The following MYT1L variants were observed in gnomAD, a reference collection of about 807,000 sequenced individuals.
MYT1L encodes the protein myelin transcription factor 1 like, also known as myelin transcription factor 1-like protein.
A neutral mutation model predicts 126.7 loss-of-function variants in MYT1L; 12 were observed. The observed-to-expected ratio is 0.09, with a 90% confidence interval of 0.06 to 0.15. The LOEUF is 0.15. Ranked by LOEUF, MYT1L falls within the 10% of genes least tolerant of loss-of-function variation. The probability of loss-of-function intolerance (pLI) is 1.00; values close to 1 mark genes in which losing one functional copy is unlikely to be tolerated. For synonymous variants in MYT1L, 541 were observed against 604.2 expected (o/e 0.90, Z 1.53); for missense variants, 979 against 1,585.2 (o/e 0.62, Z 6.49).
At chr2:2,076,851 C>CCTTT (rs2075285161) in intron 3 of MYT1L, among the ~76,000 whole-genome samples, 1 of 151,964 alleles carries the variant, frequency 6.6e-6, no homozygotes, top group African/African-American at 2.4e-5. Flanking sequence ...TGAAAATGTC[C>CCTTT]CTGAAAGGGC....
At chr2:2,064,614 A>G (rs2070983093) in intron 3 of MYT1L, among the ~76,000 whole-genome samples, 1 of 152,202 alleles carries the variant, frequency 6.6e-6, no homozygotes, top group African/African-American at 2.4e-5. Context: ...CAGTGCAATA[A>G]TCTATACAAT....
intron 2 of MYT1L, among the ~76,000 whole-genome samples, chr2:2,205,650 C>T (rs923339022): frequency 6.6e-6 from 1 of 152,132 alleles, no homozygotes; most frequent in African/African-American, 2.4e-5. Context: ...TGTCAAGAGC[C>T]ATTTTTCTGG....
intron 3 of MYT1L, among the ~76,000 whole-genome samples, chr2:2,122,819 C>A (rs1217970598): frequency 6.9e-6 from 1 of 145,944 alleles, no homozygotes; most frequent in Non-Finnish European, 1.5e-5. Flanking sequence ...AATTGTGGAA[C>A]TGGGAGGGAG....
intron 8 of MYT1L, among the ~76,000 whole-genome samples, chr2:1,949,692 G>T (rs115864779): frequency 6.6e-6 from 1 of 152,172 alleles, no homozygotes. Flanking sequence ...ACTTGGCAGC[G>T]TGTGCTCTGC....
rs535527857 is a variant in MYT1L at position 1,797,323 on chromosome 2, A to T, written c.3276+4373T>A. ...TCTGCAAGCTCCACCTCCTGGGTTC[A>T]CGCCATTCTCCTGCCTCAGCCTCCC... On this transcript the variant is annotated intron_variant, in intron 23 of 24. Coordinates refer to ENST00000647738, the MANE Select transcript of MYT1L (RefSeq NM_001303052.2). Among the ~76,000 whole-genome samples the T allele has an allele frequency of 5.9e-5, 9 of 152,216 alleles. No individual in the cohort carries two copies. The East Asian group carries it at 9.7e-4, about 16-fold the overall frequency.
At chr2:1,958,967 G>A (rs2058738707) in intron 8 of MYT1L, among the ~76,000 whole-genome samples, 1 of 152,174 alleles carries the variant, frequency 6.6e-6, no homozygotes, top group South Asian at 2.1e-4. Flanking sequence ...GCTTCCTCTT[G>A]GATTTCATTT....
At position 2,165,701 on chromosome 2, in the gene MYT1L, T is replaced by C. The variant is rs79763486; in HGVS notation, c.-304+7171A>G. Among the ~76,000 whole-genome samples, 771 of 152,266 alleles carry C rather than the reference T, an allele frequency of 5.1e-3. 10 individuals are homozygous for C. The highest frequency in any genetic ancestry group is 0.018 in the African/African-American group (746 of 41,554). ...TTGCTGCTGTTTTCTCACGTTGTCA[T>C]CTCATAGCTGTTTCTTGAATGTTGT... On this transcript the variant is annotated intron_variant, in intron 3 of 24. Transcript: ENST00000647738.
At chr2:2,139,870 ATG>A (rs2148148513) in intron 3 of MYT1L, among the ~76,000 whole-genome samples, 1 of 152,196 alleles carries the variant, frequency 6.6e-6, no homozygotes, top group Non-Finnish European at 1.5e-5. Context: ...AAAAATAAAA[ATG>A]TGTTTTCATT....
chr2:2,026,841 G>A lies in MYT1L; in HGVS notation c.-158+27137C>T, dbSNP rs1034547827. On this transcript the variant is annotated intron_variant, in intron 4 of 24. Coordinates refer to ENST00000647738, the MANE Select transcript of MYT1L (RefSeq NM_001303052.2). ...CGGGGCCCCTCAACACCAGGAGGGC[G>A]GGTCTTGAGAAAACCTGCCCCTCTC... 3.9e-5 allele frequency among the ~76,000 whole-genome samples: 6 copies of A among 152,168 alleles called. No homozygotes were observed. In the East Asian group the frequency reaches 5.8e-4, roughly 15 times the overall value.
rs1428250220 is a variant in MYT1L, at chr2:1,852,735, TAGTG to T, written c.2712-1036_2712-1033del. ...CAAAAATGACAAGGAGAAAGCAACT[TAGTG>T]AGCAATATTACACCTAGTAGGAAGC... On this transcript the variant is annotated intron_variant, in intron 18 of 24. Coordinates refer to ENST00000647738, the MANE Select transcript of MYT1L (RefSeq NM_001303052.2). This position sits in a 1 kb window ranked among gnomAD's most constrained non-coding sequence, Gnocchi z 4.0. 6.6e-6 allele frequency among the ~76,000 whole-genome samples: 1 copy of T among 152,168 alleles called. No homozygotes were observed. Among genetic ancestry groups the T allele is most frequent in the East Asian group, 1.9e-4 (1 of 5,196 alleles).
intron 21 of MYT1L, among the ~76,000 whole-genome samples, chr2:1,838,508 C>G (rs2041204016): frequency 6.6e-6 from 1 of 152,184 alleles, no homozygotes; most frequent in South Asian, 2.1e-4. Flanking sequence ...GTATCTTCCC[C>G]TCCACCTCCT....
chr2:2,243,965 T>G (rs960143764), intron 2 of MYT1L, among the ~76,000 whole-genome samples: 2 of 152,174 alleles, frequency 1.3e-5, no homozygotes, highest in Non-Finnish European at 2.9e-5. Flanking sequence ...CAGCGCACAC[T>G]GACAGGAAAG....
At chr2:2,292,294 C>A (rs1012073779) in intron 1 of MYT1L, among the ~76,000 whole-genome samples, 7 of 152,184 alleles carry the variant, frequency 4.6e-5, no homozygotes, top group African/African-American at 1.4e-4. Flanking sequence ...CTCAGGCCAG[C>A]CTGCGGCCTC....
At chr2:2,004,210 T>TGCTCTTTCCTGCAGGC (rs2062804175) in intron 4 of MYT1L, among the ~76,000 whole-genome samples, 2 of 48,434 alleles carry the variant, frequency 4.1e-5, no homozygotes, top group African/African-American at 8.7e-5. Flanking sequence ...TTCCTGAATG[T>TGCTCTTTCCTGCAGGC]GTTCTTTCCT....
intron 4 of MYT1L, among the ~76,000 whole-genome samples, chr2:2,001,907 T>TG (rs957364283): frequency 2.0e-5 from 3 of 152,082 alleles, no homozygotes; most frequent in East Asian, 1.9e-4. Flanking sequence ...TGCTCAGAGG[T>TG]GGGGGGGTCA....
At chr2:2,179,349 T>C (rs1022762322) in intron 2 of MYT1L, among the ~76,000 whole-genome samples, 1 of 152,172 alleles carries the variant, frequency 6.6e-6, no homozygotes, top group African/African-American at 2.4e-5. Context: ...TAGGCTCAGA[T>C]ACTGAGTTCT....
chr2:2,159,274 T>C (rs2087384255), intron 3 of MYT1L, among the ~76,000 whole-genome samples: 1 of 152,098 alleles, frequency 6.6e-6, no homozygotes, highest in Non-Finnish European at 1.5e-5. Flanking sequence ...AATCGCTAAC[T>C]TGGAAATGGG....
At position 1,809,057 on chromosome 2, in the gene MYT1L, G is replaced by A. The variant is rs1313648198; in HGVS notation, c.3172+19C>T. The A allele has an allele frequency of 3.1e-6, 5 of 1,612,708 alleles. No homozygotes were observed. In the Admixed American group the frequency reaches 6.7e-5, roughly 21 times the overall value. On this transcript the variant is annotated intron_variant, in intron 22 of 24. Transcript: ENST00000647738. The stretch of plus-strand genomic sequence containing the variant: ...GCCTTCCTGACCATGGGTGCCACGA[G>A]GGCTGGAGGGGTGCTCACCGTTGCT...
At position 2,265,312 on chromosome 2, in the gene MYT1L, CT is replaced by C. The variant is rs199797506; in HGVS notation, c.-421+19091del. Among the ~76,000 whole-genome samples, 450 of 145,168 alleles carry C rather than the reference CT, an allele frequency of 3.1e-3. 2 individuals are homozygous for C. The highest frequency in any genetic ancestry group is 0.014 in the Middle Eastern group (4 of 278). Reference sequence around the variant, plus strand: ...CTTGAGCCACCGCGCCTGGCCCATCCTTTTTTTTTTTCCTTTTTTTAAATGA... The same window carrying C: ...CTTGAGCCACCGCGCCTGGCCCATCCTTTTTTTTTTCCTTTTTTTAAATGA... On this transcript the variant is annotated intron_variant, in intron 2 of 24. Transcript: ENST00000647738.
Sources: allele counts gnomAD v4.1 joint callset (sites outside exome capture counted in the v4.1 genomes callset), GRCh38; gene constraint gnomAD v4.1.1; non-coding constraint Gnocchi (gnomAD v3.1); transcripts MANE v1.5; gene names NCBI Gene and HGNC (gene_info 2026-07-23, HGNC 2026-07-21).